Variants in RANBP17 observed in about 807,000 individuals in gnomAD.
The protein encoded by RANBP17 is ran-binding protein 17.
Under a neutral mutation model 141.2 loss-of-function variants are expected in RANBP17, and 158 were observed. The observed-to-expected ratio is 1.12, with a 90% confidence interval of 0.98 to 1.28. The LOEUF (loss-of-function observed/expected upper bound fraction) is 1.28, where lower values mean the gene tolerates loss of function less well. RANBP17 is among the 50% of genes most tolerant of loss of function. The pLI is 0.00. For missense variants in RANBP17, 1,438 were observed against 1,290.7 expected, an observed-to-expected ratio of 1.11 and a Z score of -1.75; for synonymous variants, 430 against 450.0, an observed-to-expected ratio of 0.96 and a Z score of 0.56.
chr5:170,921,042 C>A (rs967130648), intron 11 of RANBP17, among the ~76,000 whole-genome samples: 34 of 152,040 alleles, frequency 2.2e-4, no homozygotes, highest in African/African-American at 8.0e-4. Flanking sequence ...CTGTAGGTTG[C>A]CTGTTCACTC....
intron 14 of RANBP17, among the ~76,000 whole-genome samples, chr5:171,148,910 G>A (rs1175078479): frequency 6.6e-6 from 1 of 152,160 alleles, no homozygotes; most frequent in Non-Finnish European, 1.5e-5. Flanking sequence ...AAAGTGCTTA[G>A]CATAGTGCTT....
At chr5:171,223,018 T>A (rs941097271) in intron 22 of RANBP17, among the ~76,000 whole-genome samples, 1 of 152,210 alleles carries the variant, frequency 6.6e-6, no homozygotes, top group African/African-American at 2.4e-5. Flanking sequence ...TGTGTATGTA[T>A]GTAAGAACAA....
rs140990967 is a variant in RANBP17 at position 171,293,178 on chromosome 5, C to T, written c.2944-705C>T. Among the ~76,000 whole-genome samples the T allele has an allele frequency of 1.8e-4, 28 of 152,330 alleles. No individual in the cohort carries two copies. The East Asian group carries it at 3.3e-3, about 18-fold the overall frequency. On this transcript the variant is annotated intron_variant, in intron 25 of 27. Transcript: ENST00000523189. ...CTCCTCGCATGCCCACTGCACTTTG[C>T]CCAGCCCTATTTCCTGTTATTTCTC... is the stretch of plus-strand genomic sequence containing the variant.
rs140287208 is a variant in RANBP17, at chr5:171,131,825, A to G, written c.1711-38305A>G. Among the ~76,000 whole-genome samples, 54 of 152,300 alleles carry G rather than the reference A, an allele frequency of 3.5e-4. 1 individual carries two copies. The East Asian group carries it at 9.1e-3, about 26-fold the overall frequency. ...GTCAGAGTTTCTTTTTAATGATGGT[A>G]TAACTATTTTGTTTGTTTGTACTGC... On this transcript the variant is annotated intron_variant, in intron 14 of 27. Coordinates refer to ENST00000523189, the MANE Select transcript of RANBP17 (RefSeq NM_022897.5).
chr5:171,159,644 G>C (rs572998481), intron 14 of RANBP17, among the ~76,000 whole-genome samples: 4 of 152,010 alleles, frequency 2.6e-5, no homozygotes, highest in Non-Finnish European at 5.9e-5. Context: ...AATTTGGGCC[G>C]GGCACAGTGG....
At position 170,878,103 on chromosome 5, in the gene RANBP17, G is replaced by A. The variant is rs371504911; in HGVS notation, c.25G>A (p.Ala9Thr). 34 of 1,545,086 alleles carry A rather than the reference G, an allele frequency of 2.2e-5. No individual in the cohort carries two copies. Among genetic ancestry groups the A allele is most frequent in the Non-Finnish European group, 2.9e-5 (33 of 1,146,872 alleles). MALHFQSL[A>T]ELEVLCTHLY... ...AATTTTTTTTTCTTTGAAGAGTTTG[G>A]CTGAATTGGAAGTGTTATGTACTCA... The change falls in exon 2 of 28, where the codon GCT becomes ACT. Residue 9 changes from alanine (A) to threonine (T), a missense_variant. By Grantham distance (58) the Ala-to-Thr change is moderately conservative (BLOSUM62 0). Coordinates refer to ENST00000523189, the MANE Select transcript of RANBP17 (RefSeq NM_022897.5).
At chr5:170,865,967 C>G (rs1388860978) in intron 1 of RANBP17, among the ~76,000 whole-genome samples, 1 of 152,180 alleles carries the variant, frequency 6.6e-6, no homozygotes, top group East Asian at 1.9e-4. Context: ...GCAATATGCA[C>G]TAATTATTGC....
intron 14 of RANBP17, among the ~76,000 whole-genome samples, chr5:171,097,636 TTATTA>T (rs1383155880): frequency 6.8e-6 from 1 of 147,744 alleles, no homozygotes; most frequent in Non-Finnish European, 1.5e-5. Context: ...ATTATTATTA[TTATTA>T]TTATTATTAT....
Position 171,241,086 on chromosome 5 carries a change from A to G in RANBP17, c.2581A>G (p.Asn861Asp). 1 of 1,613,896 alleles carries G rather than the reference A, an allele frequency of 6.2e-7. No individual in the cohort carries two copies. Among genetic ancestry groups the G allele is most frequent in the Non-Finnish European group, 8.5e-7 (1 of 1,179,900 alleles). ...FKLYGDNHFD[N>D]VLQAFVKMLL... ...GTTGTATGGGGACAACCATTTTGAC[A>G]ATGTACTCCAGGCTTTTGTCAAAAT... Residue 861 changes from asparagine to aspartate, a missense_variant, in exon 23 of 28, where the codon AAT becomes GAT. By Grantham distance (23) the Asn-to-Asp change is conservative. Transcript: ENST00000523189.
intron 14 of RANBP17, among the ~76,000 whole-genome samples, chr5:171,070,359 A>G (rs1784562814): frequency 1.3e-5 from 2 of 152,170 alleles, no homozygotes; most frequent in African/African-American, 2.4e-5. Flanking sequence ...GTTTTAGCAC[A>G]AAATGTATTC....
chr5:171,005,801 A>G (rs1779557458), intron 14 of RANBP17, among the ~76,000 whole-genome samples: 1 of 152,234 alleles, frequency 6.6e-6, no homozygotes, highest in African/African-American at 2.4e-5. Context: ...ATCAGAGTGA[A>G]CAGGCAACCT....
At chr5:171,037,600 G>C (rs188945570) in intron 14 of RANBP17, among the ~76,000 whole-genome samples, 1 of 152,040 alleles carries the variant, frequency 6.6e-6, no homozygotes, top group African/African-American at 2.4e-5. Context: ...TTAATCGGTC[G>C]AGTTAATTTT....
At chr5:170,925,317 T>C (rs1772831174) in intron 12 of RANBP17, among the ~76,000 whole-genome samples, 1 of 152,178 alleles carries the variant, frequency 6.6e-6, no homozygotes, top group South Asian at 2.1e-4. Flanking sequence ...CGTTTTATTA[T>C]CTGTCCATCT....
At chr5:170,985,566 C>T (rs1478610004) in intron 14 of RANBP17, among the ~76,000 whole-genome samples, 1 of 152,166 alleles carries the variant, frequency 6.6e-6, no homozygotes, top group Non-Finnish European at 1.5e-5. Flanking sequence ...CAATCTTTCA[C>T]CACCAAAGGG....
intron 12 of RANBP17, among the ~76,000 whole-genome samples, chr5:170,935,209 C>CT (rs1228125305): frequency 1.3e-5 from 2 of 152,184 alleles, no homozygotes; most frequent in Non-Finnish European, 2.9e-5. Context: ...TTCGTCTACT[C>CT]TTTTTGCAAG....
chr5:171,257,274 G>A (rs1384723100), intron 24 of RANBP17, among the ~76,000 whole-genome samples: 1 of 152,234 alleles, frequency 6.6e-6, no homozygotes, highest in South Asian at 2.1e-4. Flanking sequence ...ATCATTAAAT[G>A]TGATACATCA....
chr5:170,977,962 G>A (rs10039460), intron 14 of RANBP17, among the ~76,000 whole-genome samples: 5 of 151,784 alleles, frequency 3.3e-5, no homozygotes, highest in Admixed American at 2.0e-4. Flanking sequence ...AATTGTGCAC[G>A]TTAAGTGTGT....
intron 24 of RANBP17, among the ~76,000 whole-genome samples, chr5:171,257,682 T>C (rs1186921481): frequency 1.3e-5 from 2 of 152,120 alleles, no homozygotes; most frequent in Non-Finnish European, 2.9e-5. Flanking sequence ...AAAACTGAGA[T>C]TTGATAAATA....
chr5:170,924,813 G>A (rs1772785914), intron 12 of RANBP17: 2 of 285,534 alleles, frequency 7.0e-6, no homozygotes, highest in Non-Finnish European at 1.3e-5. Context: ...TGGCCCTTGA[G>A]CAGATAGTTT....
Sources: gnomAD v4.1 joint callset for allele counts (sites outside exome capture counted in the v4.1 genomes callset) on GRCh38, gnomAD v4.1.1 for gene constraint, MANE v1.5 for transcripts, NCBI Gene and HGNC (gene_info 2026-07-23, HGNC 2026-07-21) for gene names.